The following NINL variants were observed in gnomAD, a reference collection of about 807,000 sequenced individuals.
The protein encoded by NINL is ninein-like protein.
In NINL, 153 loss-of-function variants were observed where a neutral mutation model predicts 160.3. The ratio of observed to expected loss-of-function variants is 0.95; its 90% confidence interval spans 0.84 to 1.09. The LOEUF is 1.09. Ranked by LOEUF, NINL falls within the 50% of genes least tolerant of loss-of-function variation. The pLI, the probability that NINL is intolerant of heterozygous loss-of-function variation, is 0.00. For missense variants in NINL, 1,829 were observed against 1,764.0 expected, an observed-to-expected ratio of 1.04 and a Z score of -0.66; for synonymous variants, 800 against 734.8, an observed-to-expected ratio of 1.09 and a Z score of -1.43.
chr20:25,495,401 C>T (rs535031653), intron 10 of NINL, among the ~76,000 whole-genome samples: 1 of 152,336 alleles, frequency 6.6e-6, no homozygotes, highest in East Asian at 1.9e-4. Flanking sequence ...TCTTTGCTAG[C>T]CACGCTCAGC....
At position 25,489,284 on chromosome 20, in the gene NINL, C is replaced by T. The variant is rs144999465; in HGVS notation, c.1637G>A (p.Arg546Gln). ...GTATTCCTTCAGGACTGCTGCGAAC[C>T]GCTCCTCCTGGGCCAGGAGCTCTGC... ...QSAELLAQEE[R>Q]FAAVLKEYEL... The change falls in exon 13 of 24, where the codon CGG becomes CAG. Residue 546 changes from arginine to glutamine, a missense_variant. Arg to Gln is a conservative substitution (Grantham distance 43, BLOSUM62 1). Transcript: ENST00000278886. The T allele has an allele frequency of 1.2e-3, 1,864 of 1,614,082 alleles. 10 individuals are homozygous for T. In the Middle Eastern group the frequency reaches 0.012, roughly 10 times the overall value.
chr20:25,556,899 G>A (rs900669931), intron 1 of NINL, among the ~76,000 whole-genome samples: 1 of 152,100 alleles, frequency 6.6e-6, no homozygotes, highest in Admixed American at 6.6e-5. Flanking sequence ...ACTACTAAGG[G>A]CAGATACCTG....
chr20:25,548,407 C>G (rs1276069725), intron 1 of NINL, among the ~76,000 whole-genome samples: 1 of 152,216 alleles, frequency 6.6e-6, no homozygotes, highest in African/African-American at 2.4e-5. Context: ...TGGTCTTGGA[C>G]AGGGTGTTCT....
chr20:25,484,694 C>T (rs2063472827), intron 13 of NINL, among the ~76,000 whole-genome samples: 1 of 152,132 alleles, frequency 6.6e-6, no homozygotes, highest in Admixed American at 6.6e-5. Context: ...GAGTAGAATG[C>T]CAATGGCATG....
intron 13 of NINL, among the ~76,000 whole-genome samples, chr20:25,484,287 C>A (rs2063462770): frequency 6.6e-6 from 1 of 152,208 alleles, no homozygotes; most frequent in Non-Finnish European, 1.5e-5. Flanking sequence ...CAGGGTGATC[C>A]TTCTGGAATC....
chr20:25,529,968 C>A (rs2064428759), intron 1 of NINL, among the ~76,000 whole-genome samples: 1 of 152,212 alleles, frequency 6.6e-6, no homozygotes, highest in South Asian at 2.1e-4. Context: ...GAGCAGGATG[C>A]CTCCAGGGCT....
intron 13 of NINL, 120 bp from the exon 14 acceptor site, chr20:25,482,220 G>C: frequency 9.0e-7 from 1 of 1,112,632 alleles, no homozygotes; most frequent in Non-Finnish European, 1.2e-6. Flanking sequence ...GTGAGGGCCT[G>C]TTGCTTCCCA....
At chr20:25,526,932 A>C (rs1229221527) in intron 1 of NINL, among the ~76,000 whole-genome samples, 1 of 152,166 alleles carries the variant, frequency 6.6e-6, no homozygotes, top group Non-Finnish European at 1.5e-5. Context: ...TTGGGAGAAA[A>C]AGGCGGGAGG....
intron 1 of NINL, among the ~76,000 whole-genome samples, chr20:25,530,622 C>G (rs1050627127): frequency 2.0e-5 from 3 of 151,932 alleles, no homozygotes; most frequent in African/African-American, 7.3e-5. Flanking sequence ...GGACAGAGTA[C>G]AAAAGAGAGA....
In NINL at chr20:25,462,268, GA is replaced by G. The variant is rs2062807897; in HGVS notation, c.3582+114del. The G allele has an allele frequency of 3.2e-6, 3 of 935,442 alleles. No homozygotes were observed. The South Asian group carries it at 5.4e-5, about 17-fold the overall frequency. 57.9% of individuals were successfully genotyped at this position (935,442 alleles called of 1,614,324 possible). A position where few individuals can be genotyped will look rare whatever the true frequency, so the allele number is the denominator to read the frequency against. Reference sequence around the variant, plus strand: ...ACCTACTTCTCCAAGGCATGCTTGGGAAGTCCCTCACTTCCCTCCAGGCTCC... The same window carrying G: ...ACCTACTTCTCCAAGGCATGCTTGGGAGTCCCTCACTTCCCTCCAGGCTCC... On this transcript the variant is annotated intron_variant, in intron 20 of 23. Transcript: ENST00000278886.
At chr20:25,547,328 T>C in intron 1 of NINL, among the ~76,000 whole-genome samples, 1 of 152,302 alleles carries the variant, frequency 6.6e-6, no homozygotes, top group South Asian at 2.1e-4. Flanking sequence ...ACATTCTTGG[T>C]CACAGCTTCA....
chr20:25,457,806 C>T (rs1473289067), intron 22 of NINL, among the ~76,000 whole-genome samples: 2 of 152,228 alleles, frequency 1.3e-5, no homozygotes, highest in African/African-American at 2.4e-5. Context: ...GGGGACCCTT[C>T]AAGTGCTTTA....
chr20:25,481,769 T>C, intron 14 of NINL, 199 bp downstream of exon 14: 1 of 736,872 alleles, frequency 1.4e-6, no homozygotes, highest in Non-Finnish European at 2.2e-6. Context: ...CTCCTCCCTC[T>C]GCAGGTGACC....
At chr20:25,475,919 C>T (rs976385118) in intron 17 of NINL, 124 bp downstream of exon 17, 2 of 968,926 alleles carry the variant, frequency 2.1e-6, no homozygotes, top group Non-Finnish European at 1.5e-6. Context: ...ACACAGCCCC[C>T]ATCAGGGGCT....
intron 13 of NINL, among the ~76,000 whole-genome samples, chr20:25,484,935 G>T (rs1040123616): frequency 6.6e-6 from 1 of 152,224 alleles, no homozygotes; most frequent in African/African-American, 2.4e-5. Flanking sequence ...TCGGTTGGGA[G>T]ATCAGAAGCA....
chr20:25,495,294 A>G (rs1180430669), intron 10 of NINL, among the ~76,000 whole-genome samples: 8 of 152,178 alleles, frequency 5.3e-5, no homozygotes, highest in Non-Finnish European at 1.2e-4. Context: ...CCAGGCTCCC[A>G]TCTGCAGGCT....
At chr20:25,484,526 G>A (rs144086005) in intron 13 of NINL, among the ~76,000 whole-genome samples, 151 of 152,322 alleles carry the variant, frequency 9.9e-4, no homozygotes, top group Non-Finnish European at 1.7e-3. Context: ...GGCATGCCGC[G>A]GCACAGCAAG....
At chr20:25,463,962 T>G (rs545886287) in intron 19 of NINL, among the ~76,000 whole-genome samples, 1 of 152,226 alleles carries the variant, frequency 6.6e-6, no homozygotes, top group Non-Finnish European at 1.5e-5. Flanking sequence ...ATGTGTTTTA[T>G]GACATTTTAT....
At chr20:25,500,769 A>C in intron 8 of NINL, 71 bp downstream of exon 8, 1 of 1,545,394 alleles carries the variant, frequency 6.5e-7, no homozygotes, top group Non-Finnish European at 8.8e-7. Flanking sequence ...GGGACGCTCC[A>C]TCCATCCTCC....
Sources: gnomAD v4.1 joint callset for allele counts (sites outside exome capture counted in the v4.1 genomes callset) on GRCh38, gnomAD v4.1.1 for gene constraint, MANE v1.5 for transcripts, NCBI Gene and HGNC (gene_info 2026-07-23, HGNC 2026-07-21) for gene names.